The following COL15A1 variants were observed in gnomAD, a reference collection of about 807,000 sequenced individuals.
The protein encoded by COL15A1 is collagen type XV alpha 1 chain.
Under a neutral mutation model 165.9 loss-of-function variants are expected in COL15A1, and 111 were observed. That is an observed-to-expected ratio of 0.67 (90% confidence interval 0.57 to 0.78). The LOEUF (loss-of-function observed/expected upper bound fraction) is 0.78, where lower values mean the gene tolerates loss of function less well. COL15A1 is among the 30% of genes least tolerant of loss of function. The pLI is 0.00. For synonymous variants in COL15A1, 659 were observed against 674.8 expected, an observed-to-expected ratio of 0.98 and a Z score of 0.36; for missense variants, 1,745 against 1,789.7, an observed-to-expected ratio of 0.98 and a Z score of 0.45.
intron 28 of COL15A1, 58 bp downstream of exon 28, chr9:99,048,058 G>A (rs1588532939): frequency 4.5e-6 from 4 of 893,536 alleles, no homozygotes; most frequent in East Asian, 2.6e-5. Flanking sequence ...GAGAGAGTGT[G>A]GGGTCCACAG....
chr9:98,992,420 C>T (rs776270769), intron 5 of COL15A1, among the ~76,000 whole-genome samples: 1 of 152,238 alleles, frequency 6.6e-6, no homozygotes, highest in Non-Finnish European at 1.5e-5. Context: ...GCCGAGCCCA[C>T]GCCTACTTGG....
In COL15A1 at chr9:99,005,016, T is replaced by A; in HGVS notation, c.1319T>A (p.Met440Lys). 2 of 1,613,088 alleles carry A rather than the reference T, an allele frequency of 1.2e-6. No homozygotes were observed. Among genetic ancestry groups the A allele is most frequent in the Non-Finnish European group, 1.7e-6 (2 of 1,179,498 alleles). The change falls in exon 9 of 42, where the codon ATG (methionine) becomes AAG (lysine). Residue 440 changes from methionine (M) to lysine (K), a missense_variant. Transcript: ENST00000375001. ...GCCCCCGGGGAGCTGGACCTCTCCATGTCCGCCCAGAGCCTCGGGGAAGAG... is the reference window on the plus strand; with the variant it reads ...GCCCCCGGGGAGCTGGACCTCTCCAAGTCCGCCCAGAGCCTCGGGGAAGAG... ...GVAPGELDLS[M>K]SAQSLGEEAT...
intron 35 of COL15A1, among the ~76,000 whole-genome samples, chr9:99,057,454 G>A (rs1033904528): frequency 1.1e-4 from 16 of 152,118 alleles, no homozygotes; most frequent in African/African-American, 3.9e-4. Context: ...CTCCTCATAT[G>A]CAAAACTGGC....
At position 99,003,590 on chromosome 9, in the gene COL15A1, A is replaced by C. The variant is rs76921790; in HGVS notation, c.1200+3A>C. ...ACCCAGAGGAAGGGGTCACTCCAGTAAGTAGCTCAGAGCGCAAGCTCCCCT... is the reference window on the plus strand; with the variant it reads ...ACCCAGAGGAAGGGGTCACTCCAGTCAGTAGCTCAGAGCGCAAGCTCCCCT... On this transcript the variant is annotated splice_donor_region_variant and intron_variant, in intron 8 of 41. Transcript: ENST00000375001. The C allele has an allele frequency of 1.8e-4, 264 of 1,488,110 alleles. 1 individual carries two copies. In the African/African-American group the frequency reaches 3.6e-3, roughly 20 times the overall value. 92.2% of individuals were successfully genotyped at this position (1,488,110 alleles called of 1,614,324 possible).
chr9:99,070,013 A>G lies in COL15A1; in HGVS notation c.*127A>G, dbSNP rs1339260270. 1.3e-6 allele frequency: 1 copy of G among 743,066 alleles called. No homozygotes were observed. The highest frequency in any genetic ancestry group is 2.1e-6 in the Non-Finnish European group (1 of 471,210). 46.0% of individuals were successfully genotyped at this position (743,066 alleles called of 1,614,324 possible). On this transcript the variant is annotated 3_prime_UTR_variant, in exon 42 of 42. Transcript: ENST00000375001. ...TTTTTTACTACATATTCTTTACAACAGCAACCAAAGAAAACATACCTCAAT... is the reference window on the plus strand; with the variant it reads ...TTTTTTACTACATATTCTTTACAACGGCAACCAAAGAAAACATACCTCAAT...
At chr9:99,019,168 G>C (rs1838985892) in intron 11 of COL15A1, among the ~76,000 whole-genome samples, 1 of 152,120 alleles carries the variant, frequency 6.6e-6, no homozygotes, top group African/African-American at 2.4e-5. Flanking sequence ...CCCACCTTGG[G>C]ATATCTCTAG....
intron 6 of COL15A1, 125 bp downstream of exon 6, chr9:98,997,206 G>A (rs1838563951): frequency 8.3e-7 from 1 of 1,204,814 alleles, no homozygotes; most frequent in African/African-American, 1.5e-5. Flanking sequence ...TTAAGAAAGG[G>A]TGAGAACCAC....
chr9:98,952,432 T>A (rs1837703624), intron 2 of COL15A1, among the ~76,000 whole-genome samples: 1 of 152,286 alleles, frequency 6.6e-6, no homozygotes, highest in African/African-American at 2.4e-5. Flanking sequence ...ATCTTATTCC[T>A]GATTGCCTCA....
chr9:98,951,746 TAG>T (rs989503613), intron 2 of COL15A1, among the ~76,000 whole-genome samples: 8 of 152,250 alleles, frequency 5.3e-5, no homozygotes, highest in Non-Finnish European at 7.4e-5. Context: ...TTTGTAGGCA[TAG>T]AGTTTTGCTG....
At chr9:99,063,298 G>C (rs1338918594) in intron 39 of COL15A1, among the ~76,000 whole-genome samples, 189 bp downstream of exon 39, 1 of 152,182 alleles carries the variant, frequency 6.6e-6, no homozygotes, top group Non-Finnish European at 1.5e-5. Flanking sequence ...GGTGCTGGGG[G>C]TATAAGGGAG....
At chr9:98,958,861 T>G (rs1837819747) in intron 2 of COL15A1, among the ~76,000 whole-genome samples, 1 of 152,026 alleles carries the variant, frequency 6.6e-6, no homozygotes, top group Non-Finnish European at 1.5e-5. Flanking sequence ...TCAAAGTGAG[T>G]ATTCCGCAAA....
intron 9 of COL15A1, among the ~76,000 whole-genome samples, chr9:99,007,491 T>C (rs1439650780): frequency 6.6e-6 from 1 of 152,234 alleles, no homozygotes. Context: ...TGATTTCTCA[T>C]GGCTAGGAGG....
intron 2 of COL15A1, among the ~76,000 whole-genome samples, chr9:98,945,521 A>G (rs1460396471): frequency 7.3e-6 from 1 of 136,644 alleles, no homozygotes; most frequent in Non-Finnish European, 1.7e-5. Flanking sequence ...AACAACCTCT[A>G]GTCGGCCCAA....
chr9:99,030,980 G>A (rs1286852728), intron 16 of COL15A1, among the ~76,000 whole-genome samples: 1 of 152,218 alleles, frequency 6.6e-6, no homozygotes, highest in Non-Finnish European at 1.5e-5. Flanking sequence ...GCAGGTGGAA[G>A]GTCACACTTA....
At position 98,985,595 on chromosome 9, in the gene COL15A1, C is replaced by T. The variant is rs77414605; in HGVS notation, c.131C>T (p.Thr44Met). ...GCTTCCCAGGGTCACCTGGACCTCA[C>T]GCAGCTCATCGGTGTCCCGCTGCCC... ...ETASQGHLDL[T>M]QLIGVPLPSS... Residue 44 changes from threonine to methionine, a missense_variant, in exon 3 of 42, where the codon ACG (threonine) becomes ATG (methionine). Thr to Met is a moderately conservative substitution (Grantham distance 81). Transcript: ENST00000375001. 143 of 1,613,946 alleles carry T rather than the reference C, an allele frequency of 8.9e-5. No homozygotes were observed. The highest frequency in any genetic ancestry group is 1.1e-4 in the Non-Finnish European group (132 of 1,179,810).
rs1820556954 is a variant in COL15A1 at position 99,054,608 on chromosome 9, C to G, written c.2983C>G (p.Pro995Ala). The change falls in exon 32 of 42, where the codon CCT (proline) becomes GCT (alanine). Residue 995 changes from proline (P) to alanine (A), a missense_variant. Coordinates refer to ENST00000375001, the MANE Select transcript of COL15A1 (RefSeq NM_001855.5). ...VKGEKGSWGL[P>A]GSKGEKGDQG... The stretch of plus-strand genomic sequence containing the variant: ...AGGAGAGAAAGGATCCTGGGGTCTT[C>G]CTGGCTCAAAGGGAGAAAAAGGCGA... The G allele has an allele frequency of 6.2e-7, 1 of 1,613,160 alleles. No individual in the cohort carries two copies. The highest frequency in any genetic ancestry group is 8.5e-7 in the Non-Finnish European group (1 of 1,179,700).
At chr9:99,063,912 G>A (rs1825855895) in intron 39 of COL15A1, among the ~76,000 whole-genome samples, 1 of 151,934 alleles carries the variant, frequency 6.6e-6, no homozygotes, top group South Asian at 2.1e-4. Flanking sequence ...TCCTTTCCAG[G>A]GATTGTTTCA....
Position 99,024,961 on chromosome 9 carries a change from C to T in COL15A1, c.1942C>T (p.Pro648Ser). 6.2e-7 allele frequency: 1 copy of T among 1,613,990 alleles called. No homozygotes were observed. Among genetic ancestry groups the T allele is most frequent in the Non-Finnish European group, 8.5e-7 (1 of 1,179,916 alleles). The part of the protein sequence containing the change: ...TDVFMGPPGS[P>S]GEDGPAGEPG... The stretch of plus-strand genomic sequence containing the variant: ...TGTTTTCATGGGACCCCCTGGATCT[C>T]CTGGAGAGGATGGACCTGCTGGTGA... Residue 648 changes from proline (P) to serine (S), a missense_variant, in exon 15 of 42, where the codon CCT (proline) becomes TCT (serine). Physicochemically the swap from Pro to Ser is moderately conservative, Grantham distance 74 (BLOSUM62 -1). Coordinates refer to ENST00000375001, the MANE Select transcript of COL15A1 (RefSeq NM_001855.5).
intron 15 of COL15A1, 111 bp downstream of exon 15, chr9:99,025,110 A>AG: frequency 2.5e-6 from 2 of 797,910 alleles, no homozygotes; most frequent in Non-Finnish European, 3.9e-6. Flanking sequence ...CGATGGGGAG[A>AG]GAGCAGCTAG....
Sources: gnomAD v4.1 joint callset for allele counts (sites outside exome capture counted in the v4.1 genomes callset) on GRCh38, gnomAD v4.1.1 for gene constraint, MANE v1.5 for transcripts, NCBI Gene and HGNC (gene_info 2026-07-23, HGNC 2026-07-21) for gene names.